NPHP4: variants seen among roughly 807,000 people sequenced by gnomAD.
NPHP4 encodes nephrocystin-4.
Under a neutral mutation model 155.8 loss-of-function variants are expected in NPHP4, and 151 were observed. That is an observed-to-expected ratio of 0.97 (90% CI 0.85 to 1.11). NPHP4 has a LOEUF of 1.11. Among genes scored for constraint, NPHP4 ranks in the 50% least tolerant of loss-of-function variants. The probability of loss-of-function intolerance (pLI) is 0.00; values close to 1 mark genes in which losing one functional copy is unlikely to be tolerated. For synonymous variants in NPHP4, 845 were observed against 816.8 expected, an observed-to-expected ratio of 1.03 and a Z score of -0.59; for missense variants, 1,956 against 1,925.7, an observed-to-expected ratio of 1.02 and a Z score of -0.29.
chr1:5,934,418 C>T (rs1202790554), intron 9 of NPHP4, among the ~76,000 whole-genome samples: 2 of 152,140 alleles, frequency 1.3e-5, no homozygotes, highest in African/African-American at 4.8e-5. Flanking sequence ...CTGTCCACTT[C>T]CACCTGGGAC....
intron 3 of NPHP4, among the ~76,000 whole-genome samples, chr1:5,974,834 T>C (rs1043314695): frequency 6.6e-6 from 1 of 152,164 alleles, no homozygotes; most frequent in South Asian, 2.1e-4. Flanking sequence ...AACCTGAGCA[T>C]GCAGGGTCCA....
chr1:5,867,615 C>T lies in NPHP4; in HGVS notation c.3472+125G>A. Reference sequence around the variant, plus strand: ...AAGGCAGGAGAGAGAATTCCCCAGGCCCCACGTGCTGCTCTGACAGCACCA... The same window carrying T: ...AAGGCAGGAGAGAGAATTCCCCAGGTCCCACGTGCTGCTCTGACAGCACCA... On this transcript the variant is annotated intron_variant, in intron 24 of 29. Coordinates refer to ENST00000378156, the MANE Select transcript of NPHP4 (RefSeq NM_015102.5). This position sits in a 1 kb window ranked among gnomAD's most constrained non-coding sequence, Gnocchi z 4.1. 2.1e-6 allele frequency: 2 copies of T among 955,136 alleles called. No individual in the cohort carries two copies. The highest frequency in any genetic ancestry group is 3.1e-6 in the Non-Finnish European group (2 of 641,058). 59.2% of individuals were successfully genotyped at this position (955,136 alleles called of 1,614,324 possible). A position where few individuals can be genotyped will look rare whatever the true frequency, so the allele number is the denominator to read the frequency against.
chr1:5,944,785 C>T lies in NPHP4; in HGVS notation c.1119+2319G>A, dbSNP rs746967229. On this transcript the variant is annotated intron_variant, in intron 9 of 29. Coordinates refer to ENST00000378156, the MANE Select transcript of NPHP4 (RefSeq NM_015102.5). This position sits in a 1 kb window ranked among gnomAD's most constrained non-coding sequence, Gnocchi z 4.3. ...AGAAGTCTGAGACCTGCCTGGCCAA[C>T]GTGGGAAAACCCCGTCTCTATTAAA... 4.6e-5 allele frequency among the ~76,000 whole-genome samples: 7 copies of T among 152,134 alleles called. No homozygotes were observed. The highest frequency in any genetic ancestry group is 9.7e-5 in the African/African-American group (4 of 41,416).
At chr1:5,888,425 CA>C (rs1643931547) in intron 17 of NPHP4, 1 of 1,100,324 alleles carries the variant, frequency 9.1e-7, no homozygotes, top group Non-Finnish European at 1.1e-6. Flanking sequence ...TCTACAGCAA[CA>C]AAAGTGCCTG....
intron 9 of NPHP4, among the ~76,000 whole-genome samples, chr1:5,946,173 T>C (rs1570575411): frequency 6.6e-6 from 1 of 152,150 alleles, no homozygotes; most frequent in African/African-American, 2.4e-5. Context: ...ACTGGGGTCT[T>C]GGAACAAACG....
chr1:5,911,462 C>T (rs1002259479), intron 11 of NPHP4, among the ~76,000 whole-genome samples: 2 of 152,224 alleles, frequency 1.3e-5, no homozygotes, highest in Non-Finnish European at 1.5e-5. Context: ...TGCCTGTGTG[C>T]GTCCTCTTGG....
rs546418474 is a variant in NPHP4, at chr1:5,972,512, C to G, written c.280-3253G>C. On this transcript the variant is annotated intron_variant, in intron 3 of 29. Transcript: ENST00000378156. Reference sequence around the variant, plus strand: ...AATCCTGGCTGAAAGGATAATACAACATCTTATCCATCTCTGCACTTCCAG... The same window carrying G: ...AATCCTGGCTGAAAGGATAATACAAGATCTTATCCATCTCTGCACTTCCAG... Among the ~76,000 whole-genome samples, 18 of 152,318 alleles carry G rather than the reference C, an allele frequency of 1.2e-4. No individual in the cohort carries two copies. In the East Asian group the frequency reaches 3.3e-3, roughly 28 times the overall value.
At chr1:5,884,798 T>C (rs937116994) in intron 18 of NPHP4, among the ~76,000 whole-genome samples, 1 of 137,408 alleles carries the variant, frequency 7.3e-6, no homozygotes, top group African/African-American at 2.8e-5. Flanking sequence ...CCAAGATCAC[T>C]GCCCAAGCTC....
chr1:5,960,066 ACACAGGTTTT>A, intron 6 of NPHP4, among the ~76,000 whole-genome samples: 2 of 152,332 alleles, frequency 1.3e-5, no homozygotes, highest in Middle Eastern at 3.4e-3. Flanking sequence ...TCAGAGCCAG[ACACAGGTTTT>A]CATGTTCTCT....
rs1644896757 is a variant in NPHP4 at position 5,905,982 on chromosome 1, T to G, written c.1612-199A>C. Reference sequence around the variant, plus strand: ...AGTATAAGTATGGTCCCTACGATATTTGGGATATACTTACACTAAAAAATT... The same window carrying G: ...AGTATAAGTATGGTCCCTACGATATGTGGGATATACTTACACTAAAAAATT... On this transcript the variant is annotated intron_variant, in intron 13 of 29. Transcript: ENST00000378156. The surrounding 1 kb of genome is among the most constrained non-coding windows in gnomAD (Gnocchi z 4.0). 6.6e-6 allele frequency among the ~76,000 whole-genome samples: 1 copy of G among 152,182 alleles called. No individual in the cohort carries two copies. Among genetic ancestry groups the G allele is most frequent in the African/African-American group, 2.4e-5 (1 of 41,434 alleles).
chr1:5,941,340 G>A (rs1293050503), intron 9 of NPHP4, among the ~76,000 whole-genome samples: 1 of 140,828 alleles, frequency 7.1e-6, no homozygotes, highest in Admixed American at 7.1e-5. Flanking sequence ...TGCACGAGGA[G>A]AAAATATGGG....
rs78738835 is a variant in NPHP4, at chr1:5,910,732, C to T, written c.1442-1519G>A. ...AAGGAGAAACCAAATCCAGAAAGTG[C>T]CGCCCTAACACCAGAGCTGCACGAC... On this transcript the variant is annotated intron_variant, in intron 11 of 29. Coordinates refer to ENST00000378156, the MANE Select transcript of NPHP4 (RefSeq NM_015102.5). This position sits in a 1 kb window ranked among gnomAD's most constrained non-coding sequence, Gnocchi z 5.4. Among the ~76,000 whole-genome samples, 1 of 152,218 alleles carries T rather than the reference C, an allele frequency of 6.6e-6. No homozygotes were observed. Among genetic ancestry groups the T allele is most frequent in the East Asian group, 1.9e-4 (1 of 5,200 alleles).
chr1:5,869,879 C>T (rs1444928892), intron 23 of NPHP4, among the ~76,000 whole-genome samples: 3 of 152,224 alleles, frequency 2.0e-5, no homozygotes, highest in East Asian at 3.9e-4. Flanking sequence ...GGAAGAAACC[C>T]GTGATGTTAA....
rs1482407111 is a variant in NPHP4, at chr1:5,892,168, C to G, written c.2144-1140G>C. Among the ~76,000 whole-genome samples the G allele has an allele frequency of 1.3e-5, 2 of 152,236 alleles. No homozygotes were observed. Among genetic ancestry groups the G allele is most frequent in the Non-Finnish European group, 2.9e-5 (2 of 68,032 alleles). The stretch of plus-strand genomic sequence containing the variant: ...GAGGTGACCAGCCACACAGCCCCCA[C>G]CCCTGCCTGGACTGTGGCATCTAGT... On this transcript the variant is annotated intron_variant, in intron 16 of 29. Coordinates refer to ENST00000378156, the MANE Select transcript of NPHP4 (RefSeq NM_015102.5). This position sits in a 1 kb window ranked among gnomAD's most constrained non-coding sequence, Gnocchi z 4.5.
At chr1:5,973,312 C>G (rs192155050) in intron 3 of NPHP4, among the ~76,000 whole-genome samples, 2 of 152,250 alleles carry the variant, frequency 1.3e-5, no homozygotes, top group Non-Finnish European at 2.9e-5. Flanking sequence ...ACGCCCATGG[C>G]GAAAGCCAGT....
chr1:5,941,199 G>A (rs1363784445), intron 9 of NPHP4, among the ~76,000 whole-genome samples: 4 of 148,636 alleles, frequency 2.7e-5, no homozygotes, highest in Admixed American at 6.8e-5. Flanking sequence ...GGCAAAGGGG[G>A]ACTTCTGAGT....
At position 5,909,132 on chromosome 1, in the gene NPHP4, C is replaced by A; in HGVS notation, c.1503+20G>T. The A allele has an allele frequency of 1.3e-6, 2 of 1,575,862 alleles. No individual in the cohort carries two copies. The highest frequency in any genetic ancestry group is 8.6e-7 in the Non-Finnish European group (1 of 1,157,038). ...TTGACTCTGGAATTCTGAAGGAGGC[C>A]GTGGGGGGCCTGGACTTACCCCTGG... is the stretch of plus-strand genomic sequence containing the variant. On this transcript the variant is annotated intron_variant, in intron 12 of 29. Coordinates refer to ENST00000378156, the MANE Select transcript of NPHP4 (RefSeq NM_015102.5).
chr1:5,962,740 G>A (rs1650580363), intron 5 of NPHP4, among the ~76,000 whole-genome samples: 1 of 152,254 alleles, frequency 6.6e-6, no homozygotes, highest in South Asian at 2.1e-4. Flanking sequence ...AAAAGGGCAT[G>A]AAGGAAAGAC....
In NPHP4 at chr1:5,909,176, C is replaced by T. The variant is rs201499649; in HGVS notation, c.1479G>A (p.Pro493=). The change falls in exon 12 of 30, where the codon CCG becomes CCA. Residue 493 remains proline, a synonymous_variant. Transcript: ENST00000378156. ...PAPVPRVLAA[P]QNSPVGPGLS... The stretch of plus-strand genomic sequence containing the variant: ...CCCCTGGTCCCACAGGTGAGTTCTG[C>T]GGGGCAGCGAGAACTCGAGGTACTG... 32 of 1,602,304 alleles carry T rather than the reference C, an allele frequency of 2.0e-5. No homozygotes were observed. The highest frequency in any genetic ancestry group is 9.0e-5 in the East Asian group (4 of 44,516).
Sources: gnomAD v4.1 joint callset for allele counts (sites outside exome capture counted in the v4.1 genomes callset) on GRCh38, gnomAD v4.1.1 for gene constraint, Gnocchi (gnomAD v3.1) non-coding constraint, MANE v1.5 for transcripts, NCBI Gene and HGNC (gene_info 2026-07-23, HGNC 2026-07-21) for gene names.